The following PFKP variants were observed in gnomAD, a reference collection of about 807,000 sequenced individuals.
PFKP encodes ATP-dependent 6-phosphofructokinase, platelet type.
A neutral mutation model predicts 94.3 loss-of-function variants in PFKP; 101 were observed. That is an observed-to-expected ratio of 1.07 (90% confidence interval 0.91 to 1.26). The LOEUF (loss-of-function observed/expected upper bound fraction) is 1.26, where lower values mean the gene tolerates loss of function less well. Ranked by LOEUF, PFKP falls within the 50% of genes most tolerant of loss-of-function variation. PFKP has a pLI of 0.00. For synonymous variants in PFKP, 573 were observed against 432.6 expected (o/e 1.32, Z -4.03); for missense variants, 1,145 against 1,103.3 (o/e 1.04, Z -0.53).
At position 3,123,473 on chromosome 10, in the gene PFKP, G is replaced by A. The variant is rs143371773; in HGVS notation, c.1683+3429G>A. Among the ~76,000 whole-genome samples, 847 of 152,358 alleles carry A rather than the reference G, an allele frequency of 5.6e-3. 7 individuals are homozygous for A. The highest frequency in any genetic ancestry group is 0.031 in the Middle Eastern group (9 of 294). ...GGGAAGAGGGGAGAGAGGATTTGCA[G>A]CATTGTGGCTGTCCCCACAGATTTC... On this transcript the variant is annotated intron_variant, in intron 16 of 21. Coordinates refer to ENST00000381125, the MANE Select transcript of PFKP (RefSeq NM_002627.5).
At chr10:3,101,069 T>G in intron 3 of PFKP, 1 of 1,241,946 alleles carries the variant, frequency 8.1e-7, no homozygotes, top group Non-Finnish European at 1.2e-6. Flanking sequence ...AGGCGGCTGC[T>G]GTGACACCGC....
intron 2 of PFKP, among the ~76,000 whole-genome samples, chr10:3,091,763 G>T (rs1588436698): frequency 6.6e-6 from 1 of 152,136 alleles, no homozygotes; most frequent in Non-Finnish European, 1.5e-5. Flanking sequence ...TCCAGCCTGG[G>T]TGACAGAGCG....
intron 4 of PFKP, among the ~76,000 whole-genome samples, chr10:3,102,022 C>T (rs555864773): frequency 2.9e-4 from 43 of 150,586 alleles, no homozygotes; most frequent in African/African-American, 9.0e-4. Flanking sequence ...GAGGCCGAGG[C>T]GGGCGGATCA....
At chr10:3,117,793 C>G (rs1041738934) in intron 14 of PFKP, among the ~76,000 whole-genome samples, 1 of 152,182 alleles carries the variant, frequency 6.6e-6, no homozygotes, top group Non-Finnish European at 1.5e-5. Flanking sequence ...GCGTTGCTCT[C>G]GAACGTAGAG....
At chr10:3,104,285 C>T (rs553398966) in intron 5 of PFKP, among the ~76,000 whole-genome samples, 52 of 152,292 alleles carry the variant, frequency 3.4e-4, no homozygotes, top group South Asian at 8.3e-4. Context: ...TCATTAGAAA[C>T]GCAGCCAGCG....
intron 1 of PFKP, among the ~76,000 whole-genome samples, chr10:3,071,445 T>TTTTTTTTTTTTTTG (rs1564254763): frequency 7.2e-6 from 1 of 138,694 alleles, no homozygotes. Flanking sequence ...TTTTTTTTTT[T>TTTTTTTTTTTTTTG]TTTTCTTTCT....
intron 8 of PFKP, among the ~76,000 whole-genome samples, chr10:3,108,278 C>A (rs912795426): frequency 1.3e-5 from 2 of 152,164 alleles, no homozygotes; most frequent in South Asian, 4.1e-4. Context: ...TGGGCTGGGG[C>A]GAGGGGAACG....
chr10:3,125,521 G>T (rs1837856422), intron 16 of PFKP, among the ~76,000 whole-genome samples: 1 of 152,166 alleles, frequency 6.6e-6, no homozygotes, highest in African/African-American at 2.4e-5. Flanking sequence ...AGGTACCATT[G>T]CTCTGGAGGC....
chr10:3,131,870 C>G (rs1337449935), intron 17 of PFKP, among the ~76,000 whole-genome samples: 1 of 152,070 alleles, frequency 6.6e-6, no homozygotes, highest in Non-Finnish European at 1.5e-5. Context: ...TTGTAATCCT[C>G]CTAACATGAT....
chr10:3,082,543 C>A, intron 2 of PFKP, 82 bp downstream of exon 2: 1 of 974,064 alleles, frequency 1.0e-6, no homozygotes, highest in Non-Finnish European at 1.6e-6. Context: ...CTCACCCCTG[C>A]CTCCCCCATG....
chr10:3,134,679 C>T, intron 20 of PFKP, 97 bp downstream of exon 20: 2 of 781,954 alleles, frequency 2.6e-6, no homozygotes, highest in Non-Finnish European at 4.5e-6. Flanking sequence ...GGTGCTGGTT[C>T]CTTCTTCAGT....
intron 2 of PFKP, among the ~76,000 whole-genome samples, chr10:3,096,408 C>T (rs1421168688): frequency 3.9e-5 from 6 of 152,162 alleles, no homozygotes; most frequent in South Asian, 4.1e-4. Context: ...CAGAAATGAC[C>T]GCAACAGCTC....
At chr10:3,131,839 C>A (rs1838622443) in intron 17 of PFKP, among the ~76,000 whole-genome samples, 1 of 152,166 alleles carries the variant, frequency 6.6e-6, no homozygotes, top group Admixed American at 6.5e-5. Flanking sequence ...TAGGATGAAT[C>A]ATTAGAGAAT....
intron 1 of PFKP, among the ~76,000 whole-genome samples, chr10:3,080,503 C>G (rs1216566565): frequency 5.5e-4 from 63 of 113,796 alleles, no homozygotes; most frequent in Non-Finnish European, 4.9e-4. Context: ...GGAGACAGAG[C>G]GAGACTCCGT....
intron 1 of PFKP, among the ~76,000 whole-genome samples, chr10:3,073,860 C>T (rs11251696): frequency 0.19 from 28,410 of 151,886 alleles, 2,933 homozygotes; most frequent in East Asian, 0.31. Flanking sequence ...GTTTTTGAGA[C>T]GGGATCTTGC....
At chr10:3,101,113 G>A in intron 3 of PFKP, 2 of 900,182 alleles carry the variant, frequency 2.2e-6, no homozygotes, top group East Asian at 2.4e-5. Context: ...TTAACTGCTG[G>A]CTGCCGTGTG....
At chr10:3,130,126 C>A in intron 17 of PFKP, 143 bp downstream of exon 17, 1 of 729,546 alleles carries the variant, frequency 1.4e-6, no homozygotes, top group Non-Finnish European at 2.1e-6. Flanking sequence ...TGATACACTT[C>A]GCATCGCCCA....
intron 16 of PFKP, among the ~76,000 whole-genome samples, chr10:3,121,080 A>G (rs552671085): frequency 6.6e-6 from 1 of 152,358 alleles, no homozygotes; most frequent in South Asian, 2.1e-4. Flanking sequence ...CAAGCTTTTA[A>G]CATACAGCTC....
intron 2 of PFKP, among the ~76,000 whole-genome samples, chr10:3,094,377 G>C (rs1014381635): frequency 1.3e-5 from 2 of 152,250 alleles, no homozygotes; most frequent in African/African-American, 4.8e-5. Context: ...CCACATGATG[G>C]TGTGTCGTGT....
Sources: allele counts gnomAD v4.1 joint callset (sites outside exome capture counted in the v4.1 genomes callset), GRCh38; gene constraint gnomAD v4.1.1; transcripts MANE v1.5; gene names NCBI Gene and HGNC (gene_info 2026-07-23, HGNC 2026-07-21).